Variants in SYNPR observed in about 807,000 individuals in gnomAD.
SYNPR encodes the protein synaptoporin.
In SYNPR, 23 loss-of-function variants were observed where a neutral mutation model predicts 32.9. The observed-to-expected ratio is 0.70, with a 90% CI of 0.50 to 0.99. The LOEUF is 0.99. Among genes scored for constraint, SYNPR ranks in the 50% least tolerant of loss-of-function variants. The pLI is 0.00. For missense variants in SYNPR, 318 were observed against 349.3 expected (o/e 0.91, Z 0.71); for synonymous variants, 146 against 135.9 (o/e 1.07, Z -0.52).
intron 2 of SYNPR, among the ~76,000 whole-genome samples, chr3:63,432,206 C>A (rs1700008728): frequency 6.6e-6 from 1 of 152,150 alleles, no homozygotes; most frequent in Admixed American, 6.5e-5. Context: ...TTTATCAAAT[C>A]CCTTCATTTC....
At chr3:63,381,913 G>A (rs2087975957) in intron 2 of SYNPR, among the ~76,000 whole-genome samples, 1 of 151,930 alleles carries the variant, frequency 6.6e-6, no homozygotes, top group Non-Finnish European at 1.5e-5. Context: ...GTTCCTTCAG[G>A]CATTTATTTA....
chr3:63,582,321 CT>C (rs891538112), intron 4 of SYNPR, among the ~76,000 whole-genome samples: 1 of 151,994 alleles, frequency 6.6e-6, no homozygotes, highest in Non-Finnish European at 1.5e-5. Context: ...AGAACCTTCG[CT>C]TTTTTTAGTA....
intron 2 of SYNPR, among the ~76,000 whole-genome samples, chr3:63,349,584 G>T (rs2087479407): frequency 1.3e-5 from 2 of 152,172 alleles, no homozygotes; most frequent in Admixed American, 1.3e-4. Flanking sequence ...AAATGGGACT[G>T]CCTTCTCGAT....
intron 3 of SYNPR, among the ~76,000 whole-genome samples, chr3:63,270,860 TTTCCTTCCTTCC>T (rs3082060): frequency 0.025 from 2,080 of 84,320 alleles, 102 homozygotes; most frequent in African/African-American, 0.078. Context: ...CTCTCCCTTC[TTTCCTTCCTTCC>T]TTCCTTCCTT....
At chr3:63,438,763 AG>A (rs1700124602) in intron 2 of SYNPR, among the ~76,000 whole-genome samples, 2 of 152,192 alleles carry the variant, frequency 1.3e-5, no homozygotes, top group Admixed American at 1.3e-4. Context: ...AAAGATTTCA[AG>A]GTTGTTCCAT....
At chr3:63,498,768 C>G (rs4688410) in intron 3 of SYNPR, among the ~76,000 whole-genome samples, 1 of 151,418 alleles carries the variant, frequency 6.6e-6, no homozygotes, top group Non-Finnish European at 1.5e-5. Flanking sequence ...CTCGTGGGCC[C>G]GATAAGGCGT....
chr3:63,403,469 C>T (rs1304644916), intron 2 of SYNPR, among the ~76,000 whole-genome samples: 2 of 149,504 alleles, frequency 1.3e-5, no homozygotes, highest in Non-Finnish European at 3.0e-5. Flanking sequence ...CACACACACA[C>T]ATAGAGAGAG....
intron 4 of SYNPR, among the ~76,000 whole-genome samples, chr3:63,593,942 T>A (rs908191711): frequency 6.6e-6 from 1 of 152,046 alleles, no homozygotes; most frequent in Non-Finnish European, 1.5e-5. Flanking sequence ...GCAGGGAAGA[T>A]AATAAAGTGT....
intron 2 of SYNPR, among the ~76,000 whole-genome samples, chr3:63,453,778 A>C (rs1405953377): frequency 6.6e-6 from 1 of 152,158 alleles, no homozygotes; most frequent in Non-Finnish European, 1.5e-5. Flanking sequence ...AAAGAGGAGC[A>C]AATTCTCACC....
intron 2 of SYNPR, among the ~76,000 whole-genome samples, chr3:63,317,040 T>C (rs1029501709): frequency 1.8e-4 from 27 of 152,164 alleles, no homozygotes; most frequent in African/African-American, 6.0e-4. Flanking sequence ...TTTTCATGGT[T>C]CTGAAGGTTC....
intron 2 of SYNPR, among the ~76,000 whole-genome samples, chr3:63,442,251 C>CGA (rs10537945): frequency 0.074 from 11,073 of 150,134 alleles, 1,362 homozygotes; most frequent in African/African-American, 0.25. Flanking sequence ...GGAAGGAAAG[C>CGA]GAGAGAGAGA....
At chr3:63,470,875 A>G (rs1397081981) in intron 2 of SYNPR, among the ~76,000 whole-genome samples, 1 of 152,238 alleles carries the variant, frequency 6.6e-6, no homozygotes, top group East Asian at 1.9e-4. Flanking sequence ...ACCTAGCTCT[A>G]GACTTCCTGA....
chr3:63,244,593 A>C (rs577322217), intron 1 of SYNPR, among the ~76,000 whole-genome samples: 53 of 152,168 alleles, frequency 3.5e-4, no homozygotes, highest in African/African-American at 1.3e-3. Context: ...TGTTGGCTTG[A>C]AAATGGCGCA....
chr3:63,396,711 G>T (rs1575623371), intron 2 of SYNPR, among the ~76,000 whole-genome samples: 1 of 152,088 alleles, frequency 6.6e-6, no homozygotes, highest in South Asian at 2.1e-4. Flanking sequence ...TTTCATACCT[G>T]CATTTTCTTT....
intron 2 of SYNPR, among the ~76,000 whole-genome samples, chr3:63,310,066 G>A (rs2086947886): frequency 1.3e-5 from 2 of 151,730 alleles, no homozygotes; most frequent in African/African-American, 4.8e-5. Context: ...TCAGTTTAGG[G>A]AAGAGCTACC....
chr3:63,478,848 T>C (rs553629106), intron 2 of SYNPR, among the ~76,000 whole-genome samples: 1 of 152,302 alleles, frequency 6.6e-6, no homozygotes, highest in African/African-American at 2.4e-5. Context: ...GACACTATCT[T>C]GACGTGGCCC....
chr3:63,464,576 G>A (rs1231937664), intron 2 of SYNPR, among the ~76,000 whole-genome samples: 9 of 151,720 alleles, frequency 5.9e-5, no homozygotes, highest in Admixed American at 3.9e-4. Context: ...GTAACTTCTC[G>A]GAGCCCCATC....
intron 2 of SYNPR, among the ~76,000 whole-genome samples, chr3:63,466,586 GGTT>G (rs1700685116): frequency 6.6e-6 from 1 of 152,178 alleles, no homozygotes; most frequent in South Asian, 2.1e-4. Flanking sequence ...ATTCATGAAA[GGTT>G]GTGTGTTAGC....
intron 4 of SYNPR, among the ~76,000 whole-genome samples, chr3:63,583,489 C>T (rs1191409755): frequency 1.3e-5 from 2 of 152,050 alleles, no homozygotes; most frequent in South Asian, 2.1e-4. Flanking sequence ...CTGCTTCAAG[C>T]GTGACCAGGG....
Sources: allele counts gnomAD v4.1 joint callset (sites outside exome capture counted in the v4.1 genomes callset), GRCh38; gene constraint gnomAD v4.1.1; transcripts MANE v1.5; gene names NCBI Gene and HGNC (gene_info 2026-07-23, HGNC 2026-07-21).